RALGPS2: variants seen among roughly 807,000 people sequenced by gnomAD.
RALGPS2 encodes the protein ras-specific guanine nucleotide-releasing factor RalGPS2.
In RALGPS2, 43 loss-of-function variants were observed where a neutral mutation model predicts 86.8. That is an observed-to-expected ratio of 0.50 (90% CI 0.39 to 0.64). The LOEUF (loss-of-function observed/expected upper bound fraction) is 0.64. Among genes scored for constraint, RALGPS2 ranks in the 30% least tolerant of loss-of-function variants. The pLI, the probability that RALGPS2 is intolerant of heterozygous loss-of-function variation, is 0.00. For missense variants in RALGPS2, 536 were observed against 694.6 expected (o/e 0.77, Z 2.57); for synonymous variants, 243 against 231.3 (o/e 1.05, Z -0.46).
intron 4 of RALGPS2, among the ~76,000 whole-genome samples, chr1:178,788,593 G>A (rs944636140): frequency 3.3e-5 from 5 of 152,116 alleles, no homozygotes; most frequent in Non-Finnish European, 5.9e-5. Context: ...TAGTATTCCA[G>A]GCAAAGGGAA....
chr1:178,761,771 G>A (rs561905964), intron 1 of RALGPS2, among the ~76,000 whole-genome samples: 1 of 152,174 alleles, frequency 6.6e-6, no homozygotes, highest in South Asian at 2.1e-4. Context: ...ATGTTGGCCA[G>A]GCAGGTCTCA....
In RALGPS2 at chr1:178,886,908, T is replaced by C. The variant is rs187450328; in HGVS notation, c.1192+788T>C. 5.3e-5 allele frequency among the ~76,000 whole-genome samples: 8 copies of C among 152,236 alleles called. No homozygotes were observed. In the East Asian group the frequency reaches 1.5e-3, roughly 29 times the overall value. ...GAGAATGGGGAATTGACTGGGGGAT[T>C]TGGCAAGATAAAAGTCATTGGTGAC... On this transcript the variant is annotated intron_variant, in intron 13 of 19. Transcript: ENST00000367635.
intron 4 of RALGPS2, among the ~76,000 whole-genome samples, chr1:178,792,018 A>T (rs1653979910): frequency 6.6e-6 from 1 of 152,266 alleles, no homozygotes; most frequent in South Asian, 2.1e-4. Flanking sequence ...AAGTAAAATC[A>T]CATCTTTAAA....
intron 17 of RALGPS2, among the ~76,000 whole-genome samples, chr1:178,899,565 C>T (rs1002406521): frequency 6.6e-6 from 1 of 150,576 alleles, no homozygotes; most frequent in Non-Finnish European, 1.5e-5. Flanking sequence ...ATGTAAGCAA[C>T]CGAAAAAGGA....
intron 1 of RALGPS2, among the ~76,000 whole-genome samples, chr1:178,743,602 G>A (rs375671647): frequency 1.2e-3 from 184 of 152,210 alleles, no homozygotes; most frequent in African/African-American, 4.0e-3. Context: ...TAGTTCTGTG[G>A]CAACATCGAT....
chr1:178,728,418 T>TG (rs397982085), intron 1 of RALGPS2, among the ~76,000 whole-genome samples: 4 of 150,078 alleles, frequency 2.7e-5, no homozygotes, highest in Non-Finnish European at 5.9e-5. Flanking sequence ...TTTTTTTTTT[T>TG]GCTATGTAAA....
chr1:178,871,688 G>GTGTT (rs373216492), intron 8 of RALGPS2, among the ~76,000 whole-genome samples: 8 of 152,144 alleles, frequency 5.3e-5, no homozygotes, highest in African/African-American at 1.9e-4. Flanking sequence ...TTACATTCTG[G>GTGTT]TGTTACATAA....
chr1:178,849,796 A>G (rs1657058484), intron 8 of RALGPS2: 1 of 152,234 alleles, frequency 6.6e-6, no homozygotes, highest in Non-Finnish European at 1.5e-5. Context: ...GATGGATTTG[A>G]GTTGTCCAAA....
chr1:178,820,987 T>G (rs1247809058), intron 6 of RALGPS2, among the ~76,000 whole-genome samples: 2 of 152,182 alleles, frequency 1.3e-5, no homozygotes, highest in African/African-American at 4.8e-5. Context: ...TCTGGGAAAT[T>G]AGCAATAAAT....
At chr1:178,780,111 C>G (rs963593349) in intron 2 of RALGPS2, among the ~76,000 whole-genome samples, 36 of 152,278 alleles carry the variant, frequency 2.4e-4, no homozygotes, top group African/African-American at 8.2e-4. Flanking sequence ...ACAGAAGTTA[C>G]AATCTTATAT....
chr1:178,761,749 C>G (rs929797750), intron 1 of RALGPS2, among the ~76,000 whole-genome samples: 1 of 151,884 alleles, frequency 6.6e-6, no homozygotes, highest in Non-Finnish European at 1.5e-5. Context: ...TTAGTAGAGA[C>G]GGGGTCTCAA....
chr1:178,883,437 T>A (rs1201229927), intron 10 of RALGPS2, 29 bp from the exon 11 acceptor site: 1 of 1,495,658 alleles, frequency 6.7e-7, no homozygotes, highest in Non-Finnish European at 9.3e-7. Flanking sequence ...AATTAATCAT[T>A]GTATGTATTT....
chr1:178,786,452 T>C (rs1319419576), intron 4 of RALGPS2, among the ~76,000 whole-genome samples: 4 of 152,054 alleles, frequency 2.6e-5, no homozygotes, highest in Non-Finnish European at 5.9e-5. Flanking sequence ...AAACACATCA[T>C]TTGTTTCTAA....
intron 1 of RALGPS2, among the ~76,000 whole-genome samples, chr1:178,775,848 G>T (rs1464482671): frequency 6.6e-6 from 1 of 150,568 alleles, no homozygotes; most frequent in Non-Finnish European, 1.5e-5. Flanking sequence ...GTATATTATG[G>T]TACAGTAAAG....
intron 11 of RALGPS2, 49 bp downstream of exon 11, chr1:178,883,582 A>G: frequency 7.4e-7 from 1 of 1,357,504 alleles, no homozygotes; most frequent in Non-Finnish European, 1.1e-6. Flanking sequence ...AGATAACCTA[A>G]TAAGGAAGAA....
intron 13 of RALGPS2, 84 bp from the exon 14 acceptor site, chr1:178,889,554 ATAGT>A (rs1659632502): frequency 3.5e-6 from 3 of 860,766 alleles, no homozygotes; most frequent in Non-Finnish European, 2.0e-6. Context: ...TTTTATGAGC[ATAGT>A]TAATTAATTT....
chr1:178,813,076 G>A (rs1473541988), intron 6 of RALGPS2, among the ~76,000 whole-genome samples: 1 of 151,826 alleles, frequency 6.6e-6, no homozygotes, highest in Non-Finnish European at 1.5e-5. Context: ...GGGACTACAG[G>A]TGCATGCCAC....
At chr1:178,858,831 A>G (rs1423513703) in intron 8 of RALGPS2, among the ~76,000 whole-genome samples, 2 of 152,210 alleles carry the variant, frequency 1.3e-5, no homozygotes, top group Non-Finnish European at 2.9e-5. Context: ...CATCTGTAAC[A>G]TATGTGTTCT....
chr1:178,803,958 C>T (rs183062369), intron 4 of RALGPS2, among the ~76,000 whole-genome samples: 82 of 152,172 alleles, frequency 5.4e-4, no homozygotes, highest in African/African-American at 2.0e-3. Flanking sequence ...TTGAGTCTAT[C>T]GTATCCATAT....
Sources: gnomAD v4.1 joint callset for allele counts (sites outside exome capture counted in the v4.1 genomes callset) on GRCh38, gnomAD v4.1.1 for gene constraint, MANE v1.5 for transcripts, NCBI Gene and HGNC (gene_info 2026-07-23, HGNC 2026-07-21) for gene names.